COLEC10: variants seen among roughly 807,000 people sequenced by gnomAD.
COLEC10 encodes collectin subfamily member 10.
In COLEC10, 22 loss-of-function variants were observed where a neutral mutation model predicts 28.4. The ratio of observed to expected loss-of-function variants is 0.78; its 90% CI spans 0.55 to 1.11. The LOEUF is 1.11. Ranked by LOEUF, COLEC10 falls within the 50% of genes least tolerant of loss-of-function variation. The pLI, the probability that COLEC10 is intolerant of heterozygous loss-of-function variation, is 0.00. For missense variants in COLEC10, 361 were observed against 344.1 expected (o/e 1.05, Z -0.39); for synonymous variants, 125 against 116.1 (o/e 1.08, Z -0.49).
At chr8:119,076,067 A>ATT (rs11330366) in intron 1 of COLEC10, among the ~76,000 whole-genome samples, 12 of 90,084 alleles carry the variant, frequency 1.3e-4, no homozygotes, top group Non-Finnish European at 2.3e-4. Context: ...CGCCCGGCTA[A>ATT]TTTTTTTTTT....
chr8:119,001,461 C>T (rs1306107706), intron 1 of COLEC10, among the ~76,000 whole-genome samples: 1 of 152,136 alleles, frequency 6.6e-6, no homozygotes, highest in African/African-American at 2.4e-5. Context: ...CTGGCCATAA[C>T]TGTCACATGG....
chr8:119,045,864 G>C (rs555754317), intron 2 of COLEC10, among the ~76,000 whole-genome samples: 1 of 152,258 alleles, frequency 6.6e-6, no homozygotes, highest in East Asian at 1.9e-4. Context: ...AGTGAACGTG[G>C]GGAATTGCTT....
intron 1 of COLEC10, among the ~76,000 whole-genome samples, chr8:118,997,549 T>G (rs1486524754): frequency 1.3e-5 from 2 of 152,184 alleles, no homozygotes; most frequent in Non-Finnish European, 2.9e-5. Flanking sequence ...ACTGTCCTCA[T>G]TTTTCAATGA....
chr8:119,012,590 T>C (rs1426312390), intron 2 of COLEC10, among the ~76,000 whole-genome samples: 2 of 150,752 alleles, frequency 1.3e-5, no homozygotes, highest in Non-Finnish European at 3.0e-5. Flanking sequence ...TAGTGAAACC[T>C]TCTGGTCCTA....
At chr8:118,997,070 T>A (rs967429299) in intron 1 of COLEC10, among the ~76,000 whole-genome samples, 2 of 152,188 alleles carry the variant, frequency 1.3e-5, no homozygotes, top group Admixed American at 1.3e-4. Context: ...AAGACACACA[T>A]CCAAACCATA....
At position 119,074,564 on chromosome 8, in the gene COLEC10, A is replaced by G. The variant is rs139712521; in HGVS notation, c.148+7135A>G. Among the ~76,000 whole-genome samples the G allele has an allele frequency of 9.0e-3, 1,363 of 152,252 alleles. 20 individuals carry two copies. Among genetic ancestry groups the G allele is most frequent in the African/African-American group, 0.031 (1,294 of 41,554 alleles). On this transcript the variant is annotated intron_variant, in intron 1 of 5. Transcript: ENST00000332843. ...CTAGTCTCCACTACTGTTTGTTACCAACAGCTCTCTCCCCCATTCCTAAAG... is the reference window on the plus strand; with the variant it reads ...CTAGTCTCCACTACTGTTTGTTACCGACAGCTCTCTCCCCCATTCCTAAAG...
chr8:119,083,948 G>T (rs1244334914), intron 1 of COLEC10, among the ~76,000 whole-genome samples: 1 of 152,100 alleles, frequency 6.6e-6, no homozygotes, highest in East Asian at 1.9e-4. Flanking sequence ...CGTTGCCAGG[G>T]TCTGGGCCTC....
In COLEC10 at chr8:119,031,650, A is replaced by G. The variant is rs529407345; in HGVS notation, n.235+22097A>G. Reference sequence around the variant, plus strand: ...AGTAAGTAGGGTGAAAGACAAGACCATTTCCAGAATACTTTCCCATTCCCC... The same window carrying G: ...AGTAAGTAGGGTGAAAGACAAGACCGTTTCCAGAATACTTTCCCATTCCCC... On this transcript the variant is annotated intron_variant and non_coding_transcript_variant, in intron 2 of 6. Coordinates refer to the COLEC10 transcript ENST00000521788. Among the ~76,000 whole-genome samples the G allele has an allele frequency of 5.3e-5, 8 of 152,334 alleles. No homozygotes were observed. In the East Asian group the frequency reaches 1.5e-3, roughly 29 times the overall value.
the COLEC10 span, among the ~76,000 whole-genome samples, chr8:118,979,497 G>A: frequency 6.6e-6 from 1 of 151,670 alleles, no homozygotes; most frequent in African/African-American, 2.4e-5. Flanking sequence ...CCTAGAATTA[G>A]CTGCTAACAT....
chr8:119,016,924 C>A (rs1814001714), intron 2 of COLEC10, among the ~76,000 whole-genome samples: 1 of 152,096 alleles, frequency 6.6e-6, no homozygotes, highest in Non-Finnish European at 1.5e-5. Flanking sequence ...ACCATGTTGG[C>A]CAGGATGGTC....
intron 2 of COLEC10, among the ~76,000 whole-genome samples, chr8:119,019,610 C>T (rs995193990): frequency 6.6e-6 from 1 of 152,122 alleles, no homozygotes; most frequent in African/African-American, 2.4e-5. Context: ...GTCTTCCTAG[C>T]CCACAGACCA....
chr8:118,979,710 A>G, the COLEC10 span, among the ~76,000 whole-genome samples: 1 of 152,162 alleles, frequency 6.6e-6, no homozygotes, highest in Non-Finnish European at 1.5e-5. Context: ...GTTCATGTCT[A>G]TATAAATATA....
the COLEC10 span, among the ~76,000 whole-genome samples, chr8:118,989,578 CCCCT>C: frequency 0.032 from 4,498 of 139,246 alleles, 135 homozygotes; most frequent in East Asian, 0.16. Flanking sequence ...CACACACACA[CCCCT>C]ACCTACCCAT....
rs144483015 is a variant in COLEC10, at chr8:119,041,894, C to T, written n.235+32341C>T. ...AAAACAGAGCCATACAGGTTTGGTT[C>T]CTATTATCCATTTTAATTTACTGGG... is the stretch of plus-strand genomic sequence containing the variant. On this transcript the variant is annotated intron_variant and non_coding_transcript_variant, in intron 2 of 6. Coordinates refer to the COLEC10 transcript ENST00000521788. 2.9e-3 allele frequency among the ~76,000 whole-genome samples: 444 copies of T among 152,162 alleles called. 3 individuals are homozygous for T. Among genetic ancestry groups the T allele is most frequent in the Middle Eastern group, 3.4e-3 (1 of 294 alleles).
chr8:119,014,353 A>G (rs1320499425), intron 2 of COLEC10, among the ~76,000 whole-genome samples: 1 of 148,950 alleles, frequency 6.7e-6, no homozygotes, highest in African/African-American at 2.5e-5. Context: ...AGCATTCTAG[A>G]TTGGTAGGTC....
rs371995489 is a variant in COLEC10 at position 119,015,442 on chromosome 8, C to T, written n.235+5889C>T. ...TTGGTTGAATAGTTTCTGCTGAAGG[C>T]AGATCTTGTTAGGAAGAACAGAATT... On this transcript the variant is annotated intron_variant and non_coding_transcript_variant, in intron 2 of 6. Coordinates refer to the COLEC10 transcript ENST00000521788. Among the ~76,000 whole-genome samples the T allele has an allele frequency of 4.0e-5, 6 of 151,410 alleles. No homozygotes were observed. The East Asian group carries it at 5.8e-4, about 15-fold the overall frequency.
chr8:119,035,118 C>T (rs1375379586), intron 2 of COLEC10, among the ~76,000 whole-genome samples: 1 of 152,186 alleles, frequency 6.6e-6, no homozygotes, highest in Admixed American at 6.5e-5. Context: ...GCCACACATG[C>T]TGCATCAATT....
At chr8:119,020,171 G>T (rs1814067551) in intron 2 of COLEC10, among the ~76,000 whole-genome samples, 1 of 152,078 alleles carries the variant, frequency 6.6e-6, no homozygotes, top group East Asian at 1.9e-4. Context: ...TTGTGAACTG[G>T]GTTTCTGCTG....
At chr8:118,966,114 A>G in the COLEC10 span, among the ~76,000 whole-genome samples, 5 of 152,118 alleles carry the variant, frequency 3.3e-5, no homozygotes, top group Non-Finnish European at 7.4e-5. Context: ...AAGTTTACTG[A>G]AAATACCATG....
Sources: allele counts gnomAD v4.1 joint callset (sites outside exome capture counted in the v4.1 genomes callset), GRCh38; gene constraint gnomAD v4.1.1; transcripts MANE v1.5; gene names NCBI Gene and HGNC (gene_info 2026-07-23, HGNC 2026-07-21).